Variants in ZNF382 observed in about 807,000 individuals in gnomAD.
ZNF382 encodes KRAB/zinc finger suppressor protein 1.
ZNF382 carries 20 observed loss-of-function variants against 38.8 expected under a neutral mutation model. The observed-to-expected ratio is 0.51, with a 90% CI of 0.36 to 0.75. The LOEUF (loss-of-function observed/expected upper bound fraction) is 0.75, where lower values mean the gene tolerates loss of function less well. Ranked by LOEUF, ZNF382 falls within the 30% of genes least tolerant of loss-of-function variation. ZNF382 has a pLI of 0.00. For synonymous variants in ZNF382, 202 were observed against 223.1 expected, an observed-to-expected ratio of 0.91 and a Z score of 0.84; for missense variants, 546 against 654.1, an observed-to-expected ratio of 0.83 and a Z score of 1.80.
chr19:36,609,573 A>C (rs1015328420), intron 2 of ZNF382: 3 of 165,884 alleles, frequency 1.8e-5, no homozygotes, highest in African/African-American at 7.1e-5. Flanking sequence ...GTTTTGTGAC[A>C]CTTTACCTTG....
intron 4 of ZNF382, among the ~76,000 whole-genome samples, chr19:36,612,993 A>G (rs1466360418): frequency 3.3e-5 from 5 of 151,816 alleles, no homozygotes; most frequent in Admixed American, 6.6e-5. Flanking sequence ...GGGTTTCATC[A>G]TTTTGGCCAG....
Position 36,627,586 on chromosome 19 carries a change from A to G in ZNF382, c.*36A>G, listed in dbSNP as rs763495796. 6.7e-7 allele frequency: 1 copy of G among 1,491,788 alleles called. No homozygotes were observed. The highest frequency in any genetic ancestry group is 9.3e-7 in the Non-Finnish European group (1 of 1,077,424). The allele number at this position is 1,491,788 out of a possible 1,614,324, so 92.4% of individuals were successfully genotyped here. On this transcript the variant is annotated 3_prime_UTR_variant, in exon 5 of 5. Transcript: ENST00000292928. The stretch of plus-strand genomic sequence containing the variant: ...TTTTTTTGTAAAAAAATGTTAAGTC[A>G]TAGTAAACCCTGTAGATGATGTTGC...
intron 4 of ZNF382, among the ~76,000 whole-genome samples, chr19:36,611,886 C>T (rs2037080477): frequency 6.6e-6 from 1 of 152,186 alleles, no homozygotes; most frequent in Non-Finnish European, 1.5e-5. Flanking sequence ...ACATGGCTGA[C>T]TTTCATGCCT....
In ZNF382 at chr19:36,633,143, A is replaced by G. The variant is rs2037263949; in HGVS notation, c.*5593A>G. ...AAGCTCCGCCTCCTGGGTTCACACC[A>G]TTGTCCTGCCTCAGCCTCCTGAGTA... On this transcript the variant is annotated 3_prime_UTR_variant, in exon 5 of 5. Transcript: ENST00000292928. 1 of 150,992 alleles carries G rather than the reference A, an allele frequency of 6.6e-6. No homozygotes were observed. Among genetic ancestry groups the G allele is most frequent in the South Asian group, 2.1e-4 (1 of 4,794 alleles). The allele number at this position is 150,992 out of a possible 1,614,324, so 9.4% of individuals were successfully genotyped here.
At chr19:36,620,642 A>G (rs534588317) in intron 4 of ZNF382, among the ~76,000 whole-genome samples, 1 of 152,282 alleles carries the variant, frequency 6.6e-6, no homozygotes, top group African/African-American at 2.4e-5. Flanking sequence ...GTAGTGGTAT[A>G]TTTTAATCTG....
Position 36,627,132 on chromosome 19 carries a change from A to C in ZNF382, c.1235A>C (p.Glu412Ala). 6.2e-7 allele frequency: 1 copy of C among 1,614,202 alleles called. No individual in the cohort carries two copies. Among genetic ancestry groups the C allele is most frequent in the Non-Finnish European group, 8.5e-7 (1 of 1,180,044 alleles). ...GGAGAGAAACCGTATCAGTGTAATG[A>C]GTGTGGGAAGGCATTTATCCAGAAG... is the stretch of plus-strand genomic sequence containing the variant. ...HTGEKPYQCNECGKAFIQKTT... is the reference protein window; with the variant it reads ...HTGEKPYQCNACGKAFIQKTT... Residue 412 changes from glutamate to alanine, a missense_variant, in exon 5 of 5, where the codon GAG becomes GCG. Glu to Ala is a moderately radical substitution (Grantham distance 107). Coordinates refer to ENST00000292928, the MANE Select transcript of ZNF382 (RefSeq NM_032825.5).
Position 36,627,233 on chromosome 19 carries a change from T to C in ZNF382, c.1336T>C (p.Cys446Arg). The stretch of plus-strand genomic sequence containing the variant: ...TTGCAATGAATGTGGGAAGTCCTTC[T>C]GCCAAAAGACAACCCTCACTCTCCA... ...YICNECGKSF[C>R]QKTTLTLHQR... Residue 446 changes from cysteine to arginine, a missense_variant, in exon 5 of 5, where the codon TGC becomes CGC. Transcript: ENST00000292928. The C allele has an allele frequency of 6.2e-7, 1 of 1,612,852 alleles. No individual in the cohort carries two copies. Among genetic ancestry groups the C allele is most frequent in the Non-Finnish European group, 8.5e-7 (1 of 1,179,764 alleles).
chr19:36,606,467 T>A (rs2037027947), intron 1 of ZNF382, among the ~76,000 whole-genome samples: 1 of 151,982 alleles, frequency 6.6e-6, no homozygotes, highest in South Asian at 2.1e-4. Context: ...GTGATTCTCC[T>A]GCCCCAGCTT....
intron 4 of ZNF382, among the ~76,000 whole-genome samples, chr19:36,621,047 C>A (rs536843575): frequency 1.3e-5 from 2 of 152,204 alleles, no homozygotes; most frequent in East Asian, 3.9e-4. Context: ...GCATGAACCA[C>A]CACGCCCGGC....
intron 4 of ZNF382, among the ~76,000 whole-genome samples, chr19:36,623,521 C>T (rs946463803): frequency 1.1e-4 from 17 of 151,992 alleles, no homozygotes; most frequent in African/African-American, 3.6e-4. Context: ...CGGGAGCAGT[C>T]GCTCACTCCT....
In ZNF382 at chr19:36,619,591, C is replaced by G. The variant is rs543555246; in HGVS notation, c.233-6539C>G. On this transcript the variant is annotated intron_variant, in intron 4 of 4. Coordinates refer to ENST00000292928, the MANE Select transcript of ZNF382 (RefSeq NM_032825.5). ...AAGCACATAATTAGATAAGTAAACACTGTTCACATGGAAGTGCCAGGTGAG... is the reference window on the plus strand; with the variant it reads ...AAGCACATAATTAGATAAGTAAACAGTGTTCACATGGAAGTGCCAGGTGAG... Among the ~76,000 whole-genome samples the G allele has an allele frequency of 9.8e-5, 15 of 152,294 alleles. No homozygotes were observed. The South Asian group carries it at 3.1e-3, about 32-fold the overall frequency.
intron 4 of ZNF382, among the ~76,000 whole-genome samples, chr19:36,625,160 G>T: frequency 8.7e-6 from 1 of 115,146 alleles, no homozygotes; most frequent in African/African-American, 3.2e-5. Context: ...TATTCATGTT[G>T]GAAATATATT....
intron 4 of ZNF382, among the ~76,000 whole-genome samples, chr19:36,619,647 C>T (rs3111550): frequency 6.6e-6 from 1 of 151,788 alleles, no homozygotes; most frequent in Non-Finnish European, 1.5e-5. Flanking sequence ...AGTGTCTCAA[C>T]GTTGAAAGCA....
rs765586951 is a variant in ZNF382, at chr19:36,610,724, C to A, written c.214C>A (p.Pro72Thr). Residue 72 changes from proline to threonine, a missense_variant, in exon 4 of 5, where the codon CCA (proline) becomes ACA (threonine). Pro to Thr is a conservative substitution (Grantham distance 38). Coordinates refer to ENST00000292928, the MANE Select transcript of ZNF382 (RefSeq NM_032825.5). ...AGAGCTATGGACACAGAGAATTTTT[C>A]CAAGTTACAGCTACCTAGGTGAGTC... The part of the protein sequence containing the change: ...GEELWTQRIF[P>T]SYSYLEEDGK... 2 of 1,612,672 alleles carry A rather than the reference C, an allele frequency of 1.2e-6. No individual in the cohort carries two copies. The highest frequency in any genetic ancestry group is 1.3e-5 in the African/African-American group (1 of 74,864).
In ZNF382 at chr19:36,626,668, C is replaced by A. The variant is rs376673126; in HGVS notation, c.771C>A (p.Val257=). ...TCATAGAAAAGTCAAGCCTCAGTGT[C>A]CATCCAAGTAATCTTATGGAAAAGA... ...IAFIEKSSLS[V]HPSNLMEKKP... The change falls in exon 5 of 5, where the codon GTC becomes GTA. Residue 257 remains valine (V), a synonymous_variant. Transcript: ENST00000292928. 1.9e-6 allele frequency: 3 copies of A among 1,613,936 alleles called. No homozygotes were observed. Among genetic ancestry groups the A allele is most frequent in the Non-Finnish European group, 2.5e-6 (3 of 1,180,038 alleles).
At chr19:36,615,373 G>A (rs1005395601) in intron 4 of ZNF382, among the ~76,000 whole-genome samples, 2 of 152,060 alleles carry the variant, frequency 1.3e-5, no homozygotes, top group East Asian at 1.9e-4. Context: ...AGATAGTTGT[G>A]AATTATCTGC....
chr19:36,622,379 C>T (rs551163250), intron 4 of ZNF382, among the ~76,000 whole-genome samples: 1 of 152,226 alleles, frequency 6.6e-6, no homozygotes, highest in South Asian at 2.1e-4. Context: ...CTGTTATACT[C>T]ACAGTTACAG....
rs2037246137 is a variant in ZNF382 at position 36,630,368 on chromosome 19, T to C, written c.*2818T>C. On this transcript the variant is annotated 3_prime_UTR_variant, in exon 5 of 5. Transcript: ENST00000292928. ...AAAGTTGCGTTTTCTTTTCTTTTTTTTTTTTTTTGAGACAGAGTTTCACTT... is the reference window on the plus strand; with the variant it reads ...AAAGTTGCGTTTTCTTTTCTTTTTTCTTTTTTTTGAGACAGAGTTTCACTT... 6.6e-6 allele frequency: 1 copy of C among 151,882 alleles called. No homozygotes were observed. Among genetic ancestry groups the C allele is most frequent in the African/African-American group, 2.4e-5 (1 of 41,360 alleles). 9.4% of individuals were successfully genotyped at this position (151,882 alleles called of 1,614,324 possible).
At chr19:36,609,013 T>C (rs1451163872) in intron 2 of ZNF382, 1 of 152,220 alleles carries the variant, frequency 6.6e-6, no homozygotes, top group African/African-American at 2.4e-5. Flanking sequence ...CCACCTAACA[T>C]GTGATAAGCC....
Sources: gnomAD v4.1 joint callset for allele counts (sites outside exome capture counted in the v4.1 genomes callset) on GRCh38, gnomAD v4.1.1 for gene constraint, MANE v1.5 for transcripts, NCBI Gene and HGNC (gene_info 2026-07-23, HGNC 2026-07-21) for gene names.